The following HIPK2 variants were observed in gnomAD, a reference collection of about 807,000 sequenced individuals.
The protein encoded by HIPK2 is homeodomain-interacting protein kinase 2.
A neutral mutation model predicts 113.7 loss-of-function variants in HIPK2; 27 were observed. The observed-to-expected ratio is 0.24, with a 90% CI of 0.17 to 0.33. The LOEUF is 0.33. HIPK2 is among the 10% of genes least tolerant of loss of function. The pLI is 1.00. For missense variants in HIPK2, 1,257 were observed against 1,588.0 expected (o/e 0.79, Z 3.54); for synonymous variants, 631 against 642.2 (o/e 0.98, Z 0.26).
chr7:139,659,493 G>GCAGCTT (rs1270116253), intron 2 of HIPK2, among the ~76,000 whole-genome samples: 2 of 152,252 alleles, frequency 1.3e-5, no homozygotes, highest in Non-Finnish European at 2.9e-5. Context: ...GGCTGCAGCT[G>GCAGCTT]CAGCTTGTGC....
At chr7:139,576,938 C>T (rs970301888) in intron 13 of HIPK2, among the ~76,000 whole-genome samples, 1 of 152,166 alleles carries the variant, frequency 6.6e-6, no homozygotes, top group African/African-American at 2.4e-5. Flanking sequence ...AGATGCTTTA[C>T]TAGCCCCCCA....
At chr7:139,657,971 C>A (rs1204654420) in intron 2 of HIPK2, among the ~76,000 whole-genome samples, 1 of 152,172 alleles carries the variant, frequency 6.6e-6, no homozygotes, top group African/African-American at 2.4e-5. Context: ...GACCTTGTCA[C>A]TATCTACTTT....
chr7:139,573,143 C>T lies in HIPK2; in HGVS notation c.3381G>A (p.Ala1127=), dbSNP rs776716441. 2.5e-6 allele frequency: 4 copies of T among 1,611,448 alleles called. No homozygotes were observed. Among genetic ancestry groups the T allele is most frequent in the Non-Finnish European group, 3.4e-6 (4 of 1,179,364 alleles). The change falls in exon 15 of 15, where the codon GCG becomes GCA. Residue 1127 remains alanine (A), a synonymous_variant. Transcript: ENST00000406875. ...VAHLVASQGS[A]RHTVQHTAYP... ...AGGCAGTGTGCTGCACGGTGTGGCGCGCAGAGCCTTGCGAGGCCACCAGGT... is the reference window on the plus strand; with the variant it reads ...AGGCAGTGTGCTGCACGGTGTGGCGTGCAGAGCCTTGCGAGGCCACCAGGT...
chr7:139,619,671 C>T (rs1215199041), intron 7 of HIPK2, among the ~76,000 whole-genome samples: 11 of 152,142 alleles, frequency 7.2e-5, no homozygotes, highest in South Asian at 2.1e-4. Flanking sequence ...CATGTGGGGA[C>T]GAGGGGAAGG....
intron 2 of HIPK2, among the ~76,000 whole-genome samples, chr7:139,672,680 G>A (rs1355242533): frequency 2.0e-5 from 3 of 152,090 alleles, no homozygotes; most frequent in Non-Finnish European, 4.4e-5. Context: ...GGCTGGTCTC[G>A]AACTCCTGAC....
At chr7:139,657,413 C>T (rs767205569) in intron 2 of HIPK2, among the ~76,000 whole-genome samples, 5 of 152,214 alleles carry the variant, frequency 3.3e-5, no homozygotes, top group Non-Finnish European at 7.3e-5. Context: ...CGATTTTTCA[C>T]TGTATTGGTC....
rs1319939131 is a variant in HIPK2, at chr7:139,571,540, C to T, written c.*1387G>A. On this transcript the variant is annotated 3_prime_UTR_variant, in exon 15 of 15. Transcript: ENST00000406875. Reference sequence around the variant, plus strand: ...CCAGACGCACCCGCCGGGCATCTGTCTCCCATATTTCTTTCGAGATCCACG... The same window carrying T: ...CCAGACGCACCCGCCGGGCATCTGTTTCCCATATTTCTTTCGAGATCCACG... 1 of 152,268 alleles carries T rather than the reference C, an allele frequency of 6.6e-6. No homozygotes were observed. The highest frequency in any genetic ancestry group is 1.5e-5 in the Non-Finnish European group (1 of 68,054). The allele number at this position is 152,268 out of a possible 1,614,324, so 9.4% of individuals were successfully genotyped here.
intron 1 of HIPK2, among the ~76,000 whole-genome samples, chr7:139,719,619 T>C (rs925250925): frequency 3.3e-5 from 5 of 152,188 alleles, no homozygotes; most frequent in African/African-American, 1.2e-4. Context: ...CCTTATTTTT[T>C]CCTAAAAATC....
chr7:139,567,281 T>G lies in HIPK2; in HGVS notation c.*5646A>C, dbSNP rs1798122368. On this transcript the variant is annotated 3_prime_UTR_variant, in exon 15 of 15. Coordinates refer to ENST00000406875, the MANE Select transcript of HIPK2 (RefSeq NM_022740.5). ...TGCTTTGCTCTCTCCCATGGTGGCCTGGGATTAGTCAAGCCCACGTATTGG... is the reference window on the plus strand; with the variant it reads ...TGCTTTGCTCTCTCCCATGGTGGCCGGGGATTAGTCAAGCCCACGTATTGG... The G allele has an allele frequency of 6.6e-6, 1 of 152,162 alleles. No individual in the cohort carries two copies. The highest frequency in any genetic ancestry group is 6.5e-5 in the Admixed American group (1 of 15,286). 9.4% of individuals were successfully genotyped at this position (152,162 alleles called of 1,614,324 possible).
chr7:139,676,047 T>G (rs1047971780), intron 2 of HIPK2, among the ~76,000 whole-genome samples: 2 of 152,238 alleles, frequency 1.3e-5, no homozygotes, highest in Admixed American at 1.3e-4. Context: ...ATCGTCACTT[T>G]GCAATGGGGC....
At chr7:139,736,086 G>T (rs1795931121) in intron 1 of HIPK2, among the ~76,000 whole-genome samples, 1 of 152,146 alleles carries the variant, frequency 6.6e-6, no homozygotes, top group African/African-American at 2.4e-5. Context: ...GGCTGAGAGG[G>T]GAGGGAGGAA....
At chr7:139,701,634 T>G (rs1323737651) in intron 2 of HIPK2, among the ~76,000 whole-genome samples, 2 of 152,222 alleles carry the variant, frequency 1.3e-5, no homozygotes, top group Non-Finnish European at 2.9e-5. Flanking sequence ...TCAGCCTTGG[T>G]TCTCTCCCCG....
At chr7:139,654,826 G>C (rs893231671) in intron 2 of HIPK2, among the ~76,000 whole-genome samples, 1 of 152,130 alleles carries the variant, frequency 6.6e-6, no homozygotes, top group African/African-American at 2.4e-5. Context: ...CTACTCCTTG[G>C]ATCACCTACC....
rs143789441 is a variant in HIPK2 at position 139,597,108 on chromosome 7, C to A, written c.2436-110G>T. On this transcript the variant is annotated intron_variant, in intron 11 of 14. Transcript: ENST00000406875. ...TGCTTTGCCAAATCTCTGTAAAACA[C>A]GTCAGTGGCTGCCCAATGAGCCTCC... 1.0e-3 allele frequency: 1,197 copies of A among 1,192,262 alleles called. 11 individuals are homozygous for A. In the African/African-American group the frequency reaches 0.016, roughly 16 times the overall value. 73.9% of individuals were successfully genotyped at this position (1,192,262 alleles called of 1,614,324 possible).
chr7:139,620,319 T>C, intron 7 of HIPK2, 82 bp downstream of exon 7: 1 of 1,544,598 alleles, frequency 6.5e-7, no homozygotes, highest in South Asian at 1.2e-5. Flanking sequence ...TTTTGCCTCC[T>C]GACTAGGTAT....
chr7:139,713,466 A>G (rs1795129531), intron 2 of HIPK2, among the ~76,000 whole-genome samples: 1 of 152,196 alleles, frequency 6.6e-6, no homozygotes, highest in Non-Finnish European at 1.5e-5. Flanking sequence ...GGAGGGCTCC[A>G]GGAAGCGTCA....
intron 2 of HIPK2, among the ~76,000 whole-genome samples, chr7:139,678,960 T>A: frequency 6.6e-6 from 1 of 152,178 alleles, no homozygotes; most frequent in East Asian, 1.9e-4. Flanking sequence ...TGGCTCTCTG[T>A]TTGTCTATTA....
intron 1 of HIPK2, among the ~76,000 whole-genome samples, chr7:139,760,854 T>C (rs943698450): frequency 6.6e-6 from 1 of 152,180 alleles, no homozygotes; most frequent in Non-Finnish European, 1.5e-5. Flanking sequence ...CATTGTCCCA[T>C]ACCACTGAAA....
At chr7:139,659,747 A>G (rs1209877739) in intron 2 of HIPK2, among the ~76,000 whole-genome samples, 2 of 84,646 alleles carry the variant, frequency 2.4e-5, no homozygotes, top group Non-Finnish European at 5.8e-5. Flanking sequence ...CTAGAGCTGC[A>G]TTCTCTCTCT....
Sources: allele counts gnomAD v4.1 joint callset (sites outside exome capture counted in the v4.1 genomes callset), GRCh38; gene constraint gnomAD v4.1.1; transcripts MANE v1.5; gene names NCBI Gene and HGNC (gene_info 2026-07-23, HGNC 2026-07-21).